CSTL1: variants seen among roughly 807,000 people sequenced by gnomAD.
CSTL1 encodes cystatin-like 1.
A neutral mutation model predicts 14.4 loss-of-function variants in CSTL1; 14 were observed. The observed-to-expected ratio is 0.97, with a 90% CI of 0.64 to 1.52. CSTL1 has a LOEUF of 1.52. Among genes scored for constraint, CSTL1 ranks in the 40% most tolerant of loss-of-function variants. The pLI is 0.00. For missense variants in CSTL1, 170 were observed against 168.7 expected, an observed-to-expected ratio of 1.01 and a Z score of -0.04; for synonymous variants, 72 against 67.5, an observed-to-expected ratio of 1.07 and a Z score of -0.33.
At chr20:23,444,117 G>C (rs926195365) in intron 3 of CSTL1, 73 bp downstream of exon 3, 4 of 1,391,896 alleles carry the variant, frequency 2.9e-6, no homozygotes, top group Admixed American at 1.8e-5. Context: ...GAAGTTGGCA[G>C]TTTTGCCACT....
chr20:23,445,619 C>T (rs193113697), downstream of CSTL1, among the ~76,000 whole-genome samples: 262 of 152,304 alleles, frequency 1.7e-3, 2 homozygotes, highest in Non-Finnish European at 2.7e-3. Context: ...ATTCTTTCTA[C>T]GCCACCCCAC....
downstream of CSTL1, among the ~76,000 whole-genome samples, chr20:23,448,952 G>A (rs1469474998): frequency 1.3e-5 from 2 of 152,222 alleles, no homozygotes; most frequent in Non-Finnish European, 2.9e-5. Flanking sequence ...GACATTGTAG[G>A]TTAGCATCAT....
intron 3 of CSTL1, 27 bp from the exon 4 acceptor site, chr20:23,444,744 A>G (rs1986928182): frequency 6.7e-7 from 1 of 1,501,906 alleles, no homozygotes; most frequent in African/African-American, 1.4e-5. Flanking sequence ...ACTTCCCCCA[A>G]AGTCTGTTTT....
chr20:23,450,452 C>T, the CSTL1 span: 1 of 1,099,024 alleles, frequency 9.1e-7, no homozygotes, highest in Non-Finnish European at 1.3e-6. Context: ...AGGATTATTG[C>T]CCATTGCAGG....
chr20:23,455,692 C>A, the CSTL1 span, among the ~76,000 whole-genome samples: 16 of 152,314 alleles, frequency 1.1e-4, no homozygotes, highest in East Asian at 2.5e-3. Flanking sequence ...CTTGCCAGTT[C>A]CCTCAGGCCC....
chr20:23,450,579 C>G, the CSTL1 span: 6 of 1,607,048 alleles, frequency 3.7e-6, no homozygotes, highest in Non-Finnish European at 4.3e-6. Flanking sequence ...TGAGAAGAAG[C>G]AGTTGACTTG....
chr20:23,444,694 G>T, intron 3 of CSTL1, 77 bp from the exon 4 acceptor site: 1 of 904,612 alleles, frequency 1.1e-6, no homozygotes. Context: ...CACAGGGAGA[G>T]ACCTGGGGAA....
At chr20:23,450,008 G>A in the CSTL1 span, among the ~76,000 whole-genome samples, 46 of 152,236 alleles carry the variant, frequency 3.0e-4, no homozygotes, top group East Asian at 8.3e-3. Context: ...AGTAGCAAAG[G>A]CCTTGTCTTT....
the CSTL1 span, chr20:23,452,740 G>A: frequency 6.2e-7 from 1 of 1,614,052 alleles, no homozygotes; most frequent in Non-Finnish European, 8.5e-7. Context: ...TCCTTGCTTG[G>A]TAGGGGAGGG....
At chr20:23,452,959 A>G in the CSTL1 span, 71 of 629,694 alleles carry the variant, frequency 1.1e-4, 1 homozygote, top group Non-Finnish European at 8.3e-6. Flanking sequence ...CCCCTTCATC[A>G]GCAGCTGAAC....
chr20:23,444,954 TACACATGCACACAC>T (rs763181472), downstream of CSTL1: 6 of 965,382 alleles, frequency 6.2e-6, no homozygotes, highest in South Asian at 1.3e-5. Flanking sequence ...GGGGTCTTAT[TACACATGCACACAC>T]ACACATGCAC....
chr20:23,448,664 T>G (rs1297439027), downstream of CSTL1, among the ~76,000 whole-genome samples: 1 of 152,200 alleles, frequency 6.6e-6, no homozygotes. Flanking sequence ...TCCAAGAGAT[T>G]AATGGGCATA....
At chr20:23,446,201 C>T (rs2123318608), downstream of CSTL1, among the ~76,000 whole-genome samples, 1 of 152,202 alleles carries the variant, frequency 6.6e-6, no homozygotes, top group African/African-American at 2.4e-5. Context: ...ACTGTTGACC[C>T]TCCAAGTTCT....
At chr20:23,440,702 T>C in intron 2 of CSTL1, 1 of 666,004 alleles carries the variant, frequency 1.5e-6, no homozygotes, top group Non-Finnish European at 2.8e-6. Context: ...AGGACTGGCA[T>C]GAACTCTAAC....
the CSTL1 span, chr20:23,452,940 C>T: frequency 1.5e-6 from 1 of 658,914 alleles, no homozygotes. Flanking sequence ...CTCTCCTCTC[C>T]TCCTCCTCCC....
At chr20:23,450,683 G>A in the CSTL1 span, 2 of 811,324 alleles carry the variant, frequency 2.5e-6, no homozygotes, top group Non-Finnish European at 3.9e-6. Flanking sequence ...TGGAGAAAAG[G>A]CTACCACCTC....
intron 2 of CSTL1, among the ~76,000 whole-genome samples, 169 bp from the exon 3 acceptor site, chr20:23,443,765 C>A (rs1014673561): frequency 1.3e-4 from 20 of 152,156 alleles, no homozygotes; most frequent in African/African-American, 4.3e-4. Context: ...CTGCCATTGC[C>A]CTCCCTCCAG....
chr20:23,448,268 T>C (rs1987006048), downstream of CSTL1, among the ~76,000 whole-genome samples: 2 of 150,120 alleles, frequency 1.3e-5, no homozygotes, highest in African/African-American at 5.1e-5. Context: ...AAGTGAACTC[T>C]CCCACCCCAC....
chr20:23,444,729 A>G lies in CSTL1; in HGVS notation c.331-42A>G, dbSNP rs746029153. 13 of 1,425,034 alleles carry G rather than the reference A, an allele frequency of 9.1e-6. No individual in the cohort carries two copies. The African/African-American group carries it at 1.8e-4, about 20-fold the overall frequency. 88.3% of individuals were successfully genotyped at this position (1,425,034 alleles called of 1,614,324 possible). Reference sequence around the variant, plus strand: ...ACAGGTGCCTGTTGCTTGCCTTTGAAAAATACTTCCCCCAAAGTCTGTTTT... The same window carrying G: ...ACAGGTGCCTGTTGCTTGCCTTTGAGAAATACTTCCCCCAAAGTCTGTTTT... On this transcript the variant is annotated intron_variant, in intron 3 of 3. Transcript: ENST00000347397.
Sources: allele counts gnomAD v4.1 joint callset (sites outside exome capture counted in the v4.1 genomes callset), GRCh38; gene constraint gnomAD v4.1.1; transcripts MANE v1.5; gene names NCBI Gene and HGNC (gene_info 2026-07-23, HGNC 2026-07-21).